Variants in NMBR observed in about 807,000 individuals in gnomAD.
NMBR encodes neuromedin B receptor.
In NMBR, 16 loss-of-function variants were observed where a neutral mutation model predicts 20.5. That is an observed-to-expected ratio of 0.78 (90% confidence interval 0.53 to 1.19). NMBR has a LOEUF of 1.19. Among genes scored for constraint, NMBR ranks in the 50% most tolerant of loss-of-function variants. The pLI, the probability that NMBR is intolerant of heterozygous loss-of-function variation, is 0.00. For synonymous variants in NMBR, 212 were observed against 196.6 expected, an observed-to-expected ratio of 1.08 and a Z score of -0.65; for missense variants, 582 against 499.1, an observed-to-expected ratio of 1.17 and a Z score of -1.58.
intron 1 of NMBR, among the ~76,000 whole-genome samples, chr6:142,098,840 A>G (rs959781730): frequency 6.6e-6 from 1 of 152,188 alleles, no homozygotes; most frequent in Admixed American, 6.6e-5. Context: ...CACAAGATTC[A>G]GAATAGTCAA....
chr6:142,100,599 A>G (rs1777541541), intron 1 of NMBR, among the ~76,000 whole-genome samples: 1 of 152,164 alleles, frequency 6.6e-6, no homozygotes, highest in African/African-American at 2.4e-5. Flanking sequence ...TAGTAAAACT[A>G]CTCTGTATGA....
At chr6:142,101,085 A>G (rs1254799240) in intron 1 of NMBR, among the ~76,000 whole-genome samples, 1 of 152,226 alleles carries the variant, frequency 6.6e-6, no homozygotes, top group Non-Finnish European at 1.5e-5. Flanking sequence ...AGATTTACGG[A>G]CAGAAAAAGA....
chr6:142,103,782 A>G (rs1054928672), intron 1 of NMBR, among the ~76,000 whole-genome samples: 2 of 152,162 alleles, frequency 1.3e-5, no homozygotes, highest in Middle Eastern at 3.2e-3. Context: ...AAATCTCACA[A>G]AGTATTTTCT....
chr6:142,088,615 G>C lies in NMBR; in HGVS notation c.44C>G (p.Ala15Gly). 1 of 1,608,902 alleles carries C rather than the reference G, an allele frequency of 6.2e-7. No homozygotes were observed. The highest frequency in any genetic ancestry group is 8.5e-7 in the Non-Finnish European group (1 of 1,179,898). ...SLSNLSVTTG[A>G]NESGSVPEGW... is the part of the protein sequence containing the mutation. ...CTCGGGAACGGAACCGCTCTCATTC[G>C]CGCCGGTGGTCACCGAGAGGTTGGA... Residue 15 changes from alanine to glycine, a missense_variant, in exon 2 of 4, where the codon GCG becomes GGG. Transcript: ENST00000258042.
chr6:142,076,029 C>A lies in NMBR; in HGVS notation c.792G>T (p.Leu264=). Residue 264 remains leucine, a synonymous_variant, in exon 4 of 4, where the codon CTG becomes CTT. Coordinates refer to ENST00000258042, the MANE Select transcript of NMBR (RefSeq NM_002511.4). ...CCACAAAGACAAGCACAATTTTAGC[C>A]AGGCGTTTCCGTGTTTCCATCTGCA... ...TKKQMETRKR[L]AKIVLVFVGC... 1.3e-6 allele frequency: 2 copies of A among 1,586,580 alleles called. No homozygotes were observed. Among genetic ancestry groups the A allele is most frequent in the Non-Finnish European group, 1.7e-6 (2 of 1,168,876 alleles).
At chr6:142,117,053 T>C (rs1313591397) in intron 1 of NMBR, among the ~76,000 whole-genome samples, 1 of 151,992 alleles carries the variant, frequency 6.6e-6, no homozygotes, top group Non-Finnish European at 1.5e-5. Context: ...CCCAATAACA[T>C]AAATAATAGG....
chr6:142,121,988 A>G (rs573621362), intron 1 of NMBR, among the ~76,000 whole-genome samples: 30 of 152,006 alleles, frequency 2.0e-4, no homozygotes, highest in African/African-American at 7.2e-4. Flanking sequence ...CAAGACACAC[A>G]GACATTGTAC....
Position 142,089,326 on chromosome 6 carries a change from AAC to A in NMBR, c.-663-7_-663-6del, listed in dbSNP as rs1777277341. The A allele has an allele frequency of 6.6e-6, 1 of 152,208 alleles. No individual in the cohort carries two copies. The highest frequency in any genetic ancestry group is 2.1e-4 in the South Asian group (1 of 4,834). 9.4% of individuals were successfully genotyped at this position (152,208 alleles called of 1,614,324 possible). A position where few individuals can be genotyped will look rare whatever the true frequency, so the allele number is the denominator to read the frequency against. ...TGAGTTGGCAAGTCCCTAATGCTGA[AAC>A]ACAGAATTTAGGGGAAAAAAATGAG... On this transcript the variant is annotated splice_polypyrimidine_tract_variant and splice_region_variant and intron_variant, in intron 1 of 3. Coordinates refer to ENST00000258042, the MANE Select transcript of NMBR (RefSeq NM_002511.4).
In NMBR at chr6:142,074,520, A is replaced by G. The variant is rs1776890007; in HGVS notation, c.*1128T>C. On this transcript the variant is annotated 3_prime_UTR_variant, in exon 4 of 4. Transcript: ENST00000258042. ...GTTAGATTTATTGATACATGCTTTT[A>G]AAAATGGTAGCTTTTAAACTGTAAT... is the stretch of plus-strand genomic sequence containing the variant. 6.6e-6 allele frequency among the ~76,000 whole-genome samples: 1 copy of G among 152,184 alleles called. No individual in the cohort carries two copies. Among genetic ancestry groups the G allele is most frequent in the African/African-American group, 2.4e-5 (1 of 41,456 alleles).
At chr6:142,077,398 A>G (rs1044415089) in intron 3 of NMBR, among the ~76,000 whole-genome samples, 1 of 152,224 alleles carries the variant, frequency 6.6e-6, no homozygotes, top group African/African-American at 2.4e-5. Flanking sequence ...TACCTAATTG[A>G]GATACACAGG....
chr6:142,105,676 T>C (rs191478669), intron 1 of NMBR, among the ~76,000 whole-genome samples: 5 of 152,298 alleles, frequency 3.3e-5, no homozygotes, highest in Admixed American at 3.3e-4. Context: ...ATGTTCTGTA[T>C]ACAGAATTGT....
chr6:142,078,625 T>C lies in NMBR; in HGVS notation c.701A>G (p.His234Arg). 6.2e-7 allele frequency: 1 copy of C among 1,613,228 alleles called. No homozygotes were observed. Among genetic ancestry groups the C allele is most frequent in the Non-Finnish European group, 8.5e-7 (1 of 1,179,336 alleles). The part of the protein sequence containing the change: ...PLAIISIYYY[H>R]IAKTLIKSAH... ...GCTTTTAATTAAGGTCTTTGCAATATGATAATAATAAATGCTAATAATAGC... is the reference window on the plus strand; with the variant it reads ...GCTTTTAATTAAGGTCTTTGCAATACGATAATAATAAATGCTAATAATAGC... The change falls in exon 3 of 4, where the codon CAT (histidine) becomes CGT (arginine). Residue 234 changes from histidine to arginine, a missense_variant. Transcript: ENST00000258042.
chr6:142,117,324 T>A (rs1229698032), intron 1 of NMBR, among the ~76,000 whole-genome samples: 3 of 151,628 alleles, frequency 2.0e-5, no homozygotes, highest in Non-Finnish European at 4.4e-5. Flanking sequence ...TTTTATATTT[T>A]ACCAGCTCCA....
chr6:142,135,653 A>T (rs1450843263), intron 1 of NMBR, among the ~76,000 whole-genome samples: 7 of 126,844 alleles, frequency 5.5e-5, no homozygotes, highest in African/African-American at 8.8e-5. Context: ...CCCTCGCCCC[A>T]CCCCACAACA....
intron 1 of NMBR, among the ~76,000 whole-genome samples, chr6:142,111,176 G>T (rs1373058888): frequency 6.6e-6 from 1 of 151,648 alleles, no homozygotes; most frequent in African/African-American, 2.4e-5. Context: ...GGAGGCAGAG[G>T]TTGCAGTGAG....
At chr6:142,139,149 T>C (rs1778321633) in intron 1 of NMBR, among the ~76,000 whole-genome samples, 1 of 152,138 alleles carries the variant, frequency 6.6e-6, no homozygotes, top group Non-Finnish European at 1.5e-5. Flanking sequence ...AGAAAGGAGA[T>C]GGGGCAAAAG....
chr6:142,131,028 T>C (rs954102509), intron 1 of NMBR, among the ~76,000 whole-genome samples: 1 of 152,166 alleles, frequency 6.6e-6, no homozygotes, highest in African/African-American at 2.4e-5. Flanking sequence ...TTTCCACTTT[T>C]GGAGTGTAAG....
intron 1 of NMBR, among the ~76,000 whole-genome samples, chr6:142,143,059 T>TG (rs1174913458): frequency 2.0e-5 from 3 of 152,088 alleles, no homozygotes; most frequent in Non-Finnish European, 2.9e-5. Context: ...CCCTCTAGCC[T>TG]GGGGGACGGA....
chr6:142,088,606 C>T lies in NMBR; in HGVS notation c.53G>A (p.Ser18Asn), dbSNP rs1777251500. ...NLSVTTGANE[S>N]GSVPEGWERD... The stretch of plus-strand genomic sequence containing the variant: ...TTCCCACCCCTCGGGAACGGAACCG[C>T]TCTCATTCGCGCCGGTGGTCACCGA... Residue 18 changes from serine to asparagine, a missense_variant, in exon 2 of 4, where the codon AGC becomes AAC. By Grantham distance (46) the Ser-to-Asn change is conservative. Coordinates refer to ENST00000258042, the MANE Select transcript of NMBR (RefSeq NM_002511.4). 3 of 1,610,588 alleles carry T rather than the reference C, an allele frequency of 1.9e-6. No homozygotes were observed. Among genetic ancestry groups the T allele is most frequent in the African/African-American group, 2.7e-5 (2 of 74,876 alleles).
Sources: gnomAD v4.1 joint callset for allele counts (sites outside exome capture counted in the v4.1 genomes callset) on GRCh38, gnomAD v4.1.1 for gene constraint, MANE v1.5 for transcripts, NCBI Gene and HGNC (gene_info 2026-07-23, HGNC 2026-07-21) for gene names.